The following NCAM1 variants were observed in gnomAD, a reference collection of about 807,000 sequenced individuals.
NCAM1 encodes neural cell adhesion molecule 1.
A neutral mutation model predicts 109.8 loss-of-function variants in NCAM1; 14 were observed. The observed-to-expected ratio is 0.13, with a 90% CI of 0.08 to 0.20. NCAM1 has a LOEUF of 0.20. NCAM1 is among the 10% of genes least tolerant of loss of function. The probability of loss-of-function intolerance (pLI) is 1.00; values close to 1 mark genes in which losing one functional copy is unlikely to be tolerated. For synonymous variants in NCAM1, 418 were observed against 442.9 expected, an observed-to-expected ratio of 0.94 and a Z score of 0.70; for missense variants, 774 against 1,109.9, an observed-to-expected ratio of 0.70 and a Z score of 4.30.
chr11:113,166,368 C>T (rs1555105285), intron 1 of NCAM1, among the ~76,000 whole-genome samples: 1 of 152,162 alleles, frequency 6.6e-6, no homozygotes, highest in East Asian at 1.9e-4. Flanking sequence ...TAATAACGCA[C>T]CAATGGGTGC....
intron 1 of NCAM1, among the ~76,000 whole-genome samples, chr11:113,027,527 T>G (rs1418762498): frequency 6.6e-6 from 1 of 152,204 alleles, no homozygotes; most frequent in African/African-American, 2.4e-5. Flanking sequence ...TTAGTTCTTA[T>G]AATCACTGTT....
chr11:113,162,894 A>G (rs1245148668), intron 1 of NCAM1, among the ~76,000 whole-genome samples: 1 of 152,220 alleles, frequency 6.6e-6, no homozygotes, highest in Non-Finnish European at 1.5e-5. Flanking sequence ...CGTTCAGTTC[A>G]TTGCTTTGGC....
chr11:113,097,122 T>G (rs1939637899), intron 1 of NCAM1, among the ~76,000 whole-genome samples: 1 of 152,208 alleles, frequency 6.6e-6, no homozygotes, highest in African/African-American at 2.4e-5. Context: ...GTCTGACATG[T>G]TAAAAAGCTT....
chr11:113,206,711 A>G (rs1442106451), intron 5 of NCAM1, among the ~76,000 whole-genome samples: 1 of 152,184 alleles, frequency 6.6e-6, no homozygotes, highest in Non-Finnish European at 1.5e-5. Flanking sequence ...TGTTTTGACT[A>G]TTGACACATA....
chr11:112,989,456 T>C (rs1951401483), intron 1 of NCAM1, among the ~76,000 whole-genome samples: 1 of 152,182 alleles, frequency 6.6e-6, no homozygotes, highest in Non-Finnish European at 1.5e-5. Context: ...ATCTGCTTGG[T>C]TCTTTTTTAT....
intron 19 of NCAM1, chr11:113,272,904 ATTCTC>A (rs1565543213): frequency 6.6e-6 from 3 of 455,516 alleles, no homozygotes; most frequent in Middle Eastern, 3.3e-4. Context: ...TTCATTGTCT[ATTCTC>A]TTCTACTTCC....
intron 1 of NCAM1, among the ~76,000 whole-genome samples, chr11:113,035,549 T>A (rs1367488953): frequency 6.6e-6 from 1 of 152,164 alleles, no homozygotes; most frequent in Non-Finnish European, 1.5e-5. Context: ...TGTTCTTTTT[T>A]AAGAGCCCGC....
At chr11:113,072,139 C>T (rs1252820532) in intron 1 of NCAM1, among the ~76,000 whole-genome samples, 1 of 152,072 alleles carries the variant, frequency 6.6e-6, no homozygotes, top group Non-Finnish European at 1.5e-5. Context: ...AGCAAGAATA[C>T]ATCTCAAAAA....
intron 1 of NCAM1, among the ~76,000 whole-genome samples, chr11:112,981,662 G>A (rs564520701): frequency 2.6e-5 from 4 of 151,942 alleles, no homozygotes; most frequent in African/African-American, 9.6e-5. Context: ...AGGATGCTTT[G>A]GTGTATTTGG....
chr11:113,267,526 G>A (rs1946157377), intron 17 of NCAM1, among the ~76,000 whole-genome samples: 1 of 152,026 alleles, frequency 6.6e-6, no homozygotes, highest in Non-Finnish European at 1.5e-5. Flanking sequence ...AGTGTTCCAG[G>A]CACAGAATCA....
intron 1 of NCAM1, among the ~76,000 whole-genome samples, chr11:113,044,089 A>G (rs1005614777): frequency 2.6e-5 from 4 of 152,154 alleles, no homozygotes; most frequent in Non-Finnish European, 5.9e-5. Context: ...TGCTGGGTCA[A>G]TGAGAGGTCT....
At chr11:113,060,838 T>A (rs1953889850) in intron 1 of NCAM1, among the ~76,000 whole-genome samples, 1 of 152,230 alleles carries the variant, frequency 6.6e-6, no homozygotes, top group South Asian at 2.1e-4. Flanking sequence ...CTCTGAATTT[T>A]TTCTAGAACC....
intron 1 of NCAM1, among the ~76,000 whole-genome samples, chr11:113,070,003 C>G (rs1307081970): frequency 6.6e-6 from 1 of 152,018 alleles, no homozygotes; most frequent in Admixed American, 6.6e-5. Context: ...CTGGCACTCC[C>G]ACAAGCTCTG....
intron 1 of NCAM1, among the ~76,000 whole-genome samples, chr11:113,104,137 A>G (rs1940021541): frequency 7.3e-6 from 1 of 136,680 alleles, no homozygotes; most frequent in African/African-American, 2.8e-5. Flanking sequence ...GTGGCTTTGC[A>G]TGGAAGCCCT....
chr11:113,250,861 G>A lies in NCAM1; in HGVS notation c.1828+4491G>A, dbSNP rs527619984. Among the ~76,000 whole-genome samples, 15 of 152,312 alleles carry A rather than the reference G, an allele frequency of 9.8e-5. No homozygotes were observed. In the South Asian group the frequency reaches 1.4e-3, roughly 15 times the overall value. On this transcript the variant is annotated intron_variant, in intron 15 of 19. Transcript: ENST00000316851. ...CACCCAGGCTGGAGTGCAGTGGTGC[G>A]ATCTCTGCTCACTGCAACCTCCACC...
intron 14 of NCAM1, among the ~76,000 whole-genome samples, chr11:113,243,273 G>A (rs1945392822): frequency 6.6e-6 from 1 of 152,150 alleles, no homozygotes; most frequent in South Asian, 2.1e-4. Flanking sequence ...AGGAGAAAAT[G>A]GCTGCTTGAG....
intron 1 of NCAM1, among the ~76,000 whole-genome samples, chr11:113,062,404 A>G (rs542456979): frequency 6.6e-6 from 1 of 152,186 alleles, no homozygotes; most frequent in East Asian, 1.9e-4. Flanking sequence ...CAGCACGACT[A>G]ATTTTTACTG....
chr11:113,095,537 G>A (rs1226169992), intron 1 of NCAM1, among the ~76,000 whole-genome samples: 1 of 152,228 alleles, frequency 6.6e-6, no homozygotes, highest in African/African-American at 2.4e-5. Flanking sequence ...CCTCCCAGGG[G>A]TCCTGAAACA....
chr11:113,016,264 G>T (rs1004089467), intron 1 of NCAM1, among the ~76,000 whole-genome samples: 1 of 152,150 alleles, frequency 6.6e-6, no homozygotes, highest in African/African-American at 2.4e-5. Context: ...GGACACTTAG[G>T]CTTGTTATCT....
Sources: gnomAD v4.1 joint callset for allele counts (sites outside exome capture counted in the v4.1 genomes callset) on GRCh38, gnomAD v4.1.1 for gene constraint, MANE v1.5 for transcripts, NCBI Gene and HGNC (gene_info 2026-07-23, HGNC 2026-07-21) for gene names.